Variants in PLCB1 observed in about 807,000 individuals in gnomAD.
PLCB1 encodes 1-phosphatidylinositol 4,5-bisphosphate phosphodiesterase beta-1.
Under a neutral mutation model 161.8 loss-of-function variants are expected in PLCB1, and 46 were observed. The observed-to-expected ratio is 0.28, with a 90% CI of 0.22 to 0.36. PLCB1 has a LOEUF of 0.36. Ranked by LOEUF, PLCB1 falls within the 10% of genes least tolerant of loss-of-function variation. PLCB1 has a pLI of 1.00. For missense variants in PLCB1, 1,016 were observed against 1,472.5 expected (o/e 0.69, Z 5.07); for synonymous variants, 517 against 503.7 (o/e 1.03, Z -0.35).
intron 23 of PLCB1, among the ~76,000 whole-genome samples, chr20:8,744,541 G>C (rs1600292733): frequency 1.3e-5 from 2 of 150,898 alleles, no homozygotes; most frequent in South Asian, 4.2e-4. Flanking sequence ...CCAGGAGACA[G>C]AGGCTGCAAT....
intron 3 of PLCB1, among the ~76,000 whole-genome samples, chr20:8,583,246 T>C (rs184796225): frequency 1.5e-4 from 23 of 152,282 alleles, no homozygotes; most frequent in East Asian, 3.9e-4. Flanking sequence ...GTGTCTATTA[T>C]GCAGAGTGAA....
intron 3 of PLCB1, among the ~76,000 whole-genome samples, chr20:8,403,857 A>C (rs781121626): frequency 2.2e-4 from 34 of 152,202 alleles, no homozygotes; most frequent in Non-Finnish European, 4.7e-4. Flanking sequence ...CAGGAGACTA[A>C]CCATATGGGA....
chr20:8,580,300 T>A (rs1364296208), intron 3 of PLCB1, among the ~76,000 whole-genome samples: 1 of 152,238 alleles, frequency 6.6e-6, no homozygotes, highest in Non-Finnish European at 1.5e-5. Context: ...AATATATTAC[T>A]GTTCTTAGAG....
At chr20:8,507,305 C>G (rs373486993) in intron 3 of PLCB1, among the ~76,000 whole-genome samples, 43 of 152,188 alleles carry the variant, frequency 2.8e-4, no homozygotes, top group African/African-American at 1.0e-3. Flanking sequence ...TCTTGCAACT[C>G]AAACTCATGA....
intron 2 of PLCB1, among the ~76,000 whole-genome samples, chr20:8,314,275 A>G (rs2122133773): frequency 6.6e-6 from 1 of 152,310 alleles, no homozygotes; most frequent in East Asian, 1.9e-4. Flanking sequence ...GGGATAGGCC[A>G]TTCATATTTA....
chr20:8,704,694 G>T (rs1408517030), intron 11 of PLCB1, among the ~76,000 whole-genome samples: 1 of 152,128 alleles, frequency 6.6e-6, no homozygotes, highest in East Asian at 1.9e-4. Flanking sequence ...TATTATCTGT[G>T]GCTGCTTTGG....
At chr20:8,448,985 T>C (rs75234999) in intron 3 of PLCB1, among the ~76,000 whole-genome samples, 11,995 of 152,292 alleles carry the variant, frequency 0.079, 541 homozygotes, top group Middle Eastern at 0.13. Context: ...GTGAATGTGA[T>C]ACTTCATATC....
At chr20:8,135,531 A>G (rs2051336387) in intron 1 of PLCB1, among the ~76,000 whole-genome samples, 1 of 152,144 alleles carries the variant, frequency 6.6e-6, no homozygotes, top group African/African-American at 2.4e-5. Context: ...CAGGGGGGTA[A>G]TAGATCCTGG....
intron 26 of PLCB1, among the ~76,000 whole-genome samples, chr20:8,774,131 G>A (rs75433600): frequency 6.6e-6 from 1 of 152,230 alleles, no homozygotes; most frequent in Non-Finnish European, 1.5e-5. Flanking sequence ...GCTCAATGCA[G>A]TGTCCTCTGA....
chr20:8,859,332 T>C (rs1987176519), intron 31 of PLCB1, among the ~76,000 whole-genome samples: 1 of 152,206 alleles, frequency 6.6e-6, no homozygotes, highest in Non-Finnish European at 1.5e-5. Context: ...ATTAAGAAAA[T>C]CATAACAATT....
intron 14 of PLCB1, among the ~76,000 whole-genome samples, chr20:8,718,180 A>G (rs1979436763): frequency 6.6e-6 from 1 of 152,138 alleles, no homozygotes; most frequent in African/African-American, 2.4e-5. Context: ...AGATCCAGCC[A>G]CTGCACTCCA....
chr20:8,724,061 C>T (rs1340204153), intron 15 of PLCB1, among the ~76,000 whole-genome samples: 4 of 151,334 alleles, frequency 2.6e-5, no homozygotes, highest in Admixed American at 6.6e-5. Flanking sequence ...GGCCTACCTG[C>T]GGGTGGAGGT....
At chr20:8,807,365 A>G (rs1436115037) in intron 31 of PLCB1, among the ~76,000 whole-genome samples, 1 of 152,196 alleles carries the variant, frequency 6.6e-6, no homozygotes, top group East Asian at 1.9e-4. Flanking sequence ...ATAGATTGCT[A>G]TATTAACACC....
At chr20:8,156,857 G>A (rs1469348470) in intron 2 of PLCB1, among the ~76,000 whole-genome samples, 2 of 152,166 alleles carry the variant, frequency 1.3e-5, no homozygotes, top group East Asian at 1.9e-4. Flanking sequence ...CCTTTGTGGT[G>A]GCTTTTATTA....
At chr20:8,228,816 G>A (rs1281929883) in intron 2 of PLCB1, among the ~76,000 whole-genome samples, 1 of 152,016 alleles carries the variant, frequency 6.6e-6, no homozygotes, top group Non-Finnish European at 1.5e-5. Flanking sequence ...TACATAGTGA[G>A]TTTTGATACA....
At chr20:8,239,233 A>G (rs1980485195) in intron 2 of PLCB1, among the ~76,000 whole-genome samples, 1 of 151,998 alleles carries the variant, frequency 6.6e-6, no homozygotes, top group African/African-American at 2.4e-5. Flanking sequence ...TCCGATGAGT[A>G]TTGAATGCAA....
rs112346789 is a variant in PLCB1 at position 8,459,431 on chromosome 20, A to G, written c.246+87981A>G. Among the ~76,000 whole-genome samples, 6 of 152,272 alleles carry G rather than the reference A, an allele frequency of 3.9e-5. 1 individual carries two copies. Among genetic ancestry groups the G allele is most frequent in the African/African-American group, 1.2e-4 (5 of 41,562 alleles). ...TGCTTGAACCCCTAGTCTGCCATGT[A>G]TTGCTGCTGCCTTTATTGGTGTTAC... On this transcript the variant is annotated intron_variant, in intron 3 of 31. Coordinates refer to ENST00000338037, the MANE Select transcript of PLCB1 (RefSeq NM_015192.4).
At chr20:8,654,021 A>T (rs1161750828) in intron 7 of PLCB1, among the ~76,000 whole-genome samples, 1 of 152,088 alleles carries the variant, frequency 6.6e-6, no homozygotes, top group Non-Finnish European at 1.5e-5. Context: ...GCTAATTATT[A>T]TTCTCATTTT....
At chr20:8,697,127 A>C (rs1990601378) in intron 10 of PLCB1, among the ~76,000 whole-genome samples, 1 of 152,168 alleles carries the variant, frequency 6.6e-6, no homozygotes, top group African/African-American at 2.4e-5. Context: ...GAGGCAGCTG[A>C]CTTATATAAT....
Sources: allele counts gnomAD v4.1 joint callset (sites outside exome capture counted in the v4.1 genomes callset), GRCh38; gene constraint gnomAD v4.1.1; transcripts MANE v1.5; gene names NCBI Gene and HGNC (gene_info 2026-07-23, HGNC 2026-07-21).